Variants in PLA2G4D observed in about 807,000 individuals in gnomAD.
PLA2G4D encodes phospholipase A2 group IVD.
PLA2G4D carries 80 observed loss-of-function variants against 94.4 expected under a neutral mutation model. That is an observed-to-expected ratio of 0.85 (90% CI 0.71 to 1.02). PLA2G4D has a LOEUF of 1.02. PLA2G4D is among the 50% of genes least tolerant of loss of function. The pLI is 0.00. For missense variants in PLA2G4D, 1,050 were observed against 1,034.7 expected (o/e 1.01, Z -0.20); for synonymous variants, 438 against 440.9 (o/e 0.99, Z 0.08).
At chr15:42,075,551 C>G (rs926268049) in intron 13 of PLA2G4D, among the ~76,000 whole-genome samples, 13 of 152,282 alleles carry the variant, frequency 8.5e-5, no homozygotes, top group African/African-American at 3.1e-4. Flanking sequence ...AAAATCCCAA[C>G]AACATTTATT....
Position 42,068,840 on chromosome 15 carries a change from A to T in PLA2G4D, c.2332T>A (p.Phe778Ile). Residue 778 changes from phenylalanine to isoleucine, a missense_variant, in exon 20 of 20, where the codon TTC becomes ATC. Phe to Ile is a conservative substitution (Grantham distance 21, BLOSUM62 0). Transcript: ENST00000290472. Reference protein sequence around the residue: ...LSNMTYKEEDFERLLRLSDYN... With the variant: ...LSNMTYKEEDIERLLRLSDYN... Reference sequence around the variant, plus strand: ...TCACTGAGCCGCAGCAGGCGCTCGAAGTCTTCCTCCTTGTAGGTCATGTTG... The same window carrying T: ...TCACTGAGCCGCAGCAGGCGCTCGATGTCTTCCTCCTTGTAGGTCATGTTG... 1 of 1,614,032 alleles carries T rather than the reference A, an allele frequency of 6.2e-7. No homozygotes were observed.
chr15:42,081,914 C>T, intron 9 of PLA2G4D, 80 bp from the exon 10 acceptor site: 1 of 1,335,072 alleles, frequency 7.5e-7, no homozygotes, highest in Non-Finnish European at 1.0e-6. Flanking sequence ...ACTTGGTCCC[C>T]TTCATCTTCA....
At position 42,068,450 on chromosome 15, in the gene PLA2G4D, T is replaced by G; in HGVS notation, c.*265A>C. On this transcript the variant is annotated 3_prime_UTR_variant, in exon 20 of 20. Transcript: ENST00000290472. ...AATCTATCCTGCTCAGGCATGGAAG[T>G]AATTGTGGTGTGAAAGTCTGTCTGG... 1 of 491,980 alleles carries G rather than the reference T, an allele frequency of 2.0e-6. No individual in the cohort carries two copies. Among genetic ancestry groups the G allele is most frequent in the Non-Finnish European group, 3.7e-6 (1 of 270,834 alleles). 30.5% of individuals were successfully genotyped at this position (491,980 alleles called of 1,614,324 possible).
At chr15:42,080,970 T>C in intron 12 of PLA2G4D, 27 bp downstream of exon 12, 1 of 1,610,188 alleles carries the variant, frequency 6.2e-7, no homozygotes, top group African/African-American at 1.3e-5. Flanking sequence ...TGATTGTCTC[T>C]GCCACCCAGT....
In PLA2G4D at chr15:42,084,050, G is replaced by A. The variant is rs928497019; in HGVS notation, c.472-271C>T. On this transcript the variant is annotated intron_variant, in intron 6 of 19. Coordinates refer to ENST00000290472, the MANE Select transcript of PLA2G4D (RefSeq NM_178034.4). The surrounding 1 kb of genome is among the most constrained non-coding windows in gnomAD (Gnocchi z 4.8). ...CCAAACTCCCGAAACCTCCTAGAGC[G>A]CCCAGCCCTCAGACACAGCTGTTTC... The A allele has an allele frequency of 4.3e-6, 2 of 464,846 alleles. No individual in the cohort carries two copies. Among genetic ancestry groups the A allele is most frequent in the Admixed American group, 3.5e-5 (1 of 28,588 alleles). 28.8% of individuals were successfully genotyped at this position (464,846 alleles called of 1,614,324 possible). A position where few individuals can be genotyped will look rare whatever the true frequency, so the allele number is the denominator to read the frequency against.
chr15:42,086,133 AG>A (rs1392529567), intron 4 of PLA2G4D, 79 bp downstream of exon 4: 6 of 1,417,258 alleles, frequency 4.2e-6, no homozygotes, highest in Non-Finnish European at 5.8e-6. Context: ...GCCTCCCAAC[AG>A]GTGGGAGAAA....
intron 1 of PLA2G4D, among the ~76,000 whole-genome samples, chr15:42,088,496 C>A (rs1890193629): frequency 6.6e-6 from 1 of 152,208 alleles, no homozygotes; most frequent in Non-Finnish European, 1.5e-5. Flanking sequence ...CACCCTACTG[C>A]TGAGGTCCCC....
In PLA2G4D at chr15:42,070,727, G is replaced by A. The variant is rs367740611; in HGVS notation, c.2033C>T (p.Ala678Val). Residue 678 changes from alanine (A) to valine (V), a missense_variant, in exon 18 of 20, where the codon GCG becomes GTG. Physicochemically the swap from Ala to Val is moderately conservative, Grantham distance 64 (BLOSUM62 0). Coordinates refer to ENST00000290472, the MANE Select transcript of PLA2G4D (RefSeq NM_178034.4). Reference protein sequence around the residue: ...LILSFDYSLSAPFEALQQTEL... With the variant: ...LILSFDYSLSVPFEALQQTEL... Reference sequence around the variant, plus strand: ...GGGTGACCAGGGTACCTCGAAGGGCGCAGATAGGGAGTAGTCGAAGGAGAG... The same window carrying A: ...GGGTGACCAGGGTACCTCGAAGGGCACAGATAGGGAGTAGTCGAAGGAGAG... The A allele has an allele frequency of 1.7e-5, 26 of 1,557,980 alleles. No individual in the cohort carries two copies. The highest frequency in any genetic ancestry group is 2.4e-5 in the East Asian group (1 of 41,602).
chr15:42,081,706 C>G (rs1455458517), intron 10 of PLA2G4D, 91 bp downstream of exon 10: 1 of 1,611,576 alleles, frequency 6.2e-7, no homozygotes. Flanking sequence ...AAGAAGCCCT[C>G]TCCTCCAATC....
At chr15:42,086,097 T>G in intron 4 of PLA2G4D, 116 bp downstream of exon 4, 1 of 1,167,980 alleles carries the variant, frequency 8.6e-7, no homozygotes, top group Admixed American at 2.8e-5. Context: ...GGTTTAGATT[T>G]TTCTGTGAAT....
Position 42,068,444 on chromosome 15 carries a change from T to G in PLA2G4D, c.*271A>C. The G allele has an allele frequency of 4.3e-6, 2 of 469,344 alleles. No homozygotes were observed. Among genetic ancestry groups the G allele is most frequent in the Non-Finnish European group, 7.8e-6 (2 of 257,074 alleles). The allele number at this position is 469,344 out of a possible 1,614,324, so 29.1% of individuals were successfully genotyped here. Reference sequence around the variant, plus strand: ...ACTTCAAATCTATCCTGCTCAGGCATGGAAGTAATTGTGGTGTGAAAGTCT... The same window carrying G: ...ACTTCAAATCTATCCTGCTCAGGCAGGGAAGTAATTGTGGTGTGAAAGTCT... On this transcript the variant is annotated 3_prime_UTR_variant, in exon 20 of 20. Coordinates refer to ENST00000290472, the MANE Select transcript of PLA2G4D (RefSeq NM_178034.4).
In PLA2G4D at chr15:42,068,698, G is replaced by A; in HGVS notation, c.*17C>T. The stretch of plus-strand genomic sequence containing the variant: ...ATGCCCGCAGGCCCTGGAGGGTCCT[G>A]CAGCCTCTGAGCAACCTCAGGTCTG... On this transcript the variant is annotated 3_prime_UTR_variant, in exon 20 of 20. Transcript: ENST00000290472. The A allele has an allele frequency of 6.3e-7, 1 of 1,588,740 alleles. No homozygotes were observed. The highest frequency in any genetic ancestry group is 8.6e-7 in the Non-Finnish European group (1 of 1,167,128).
At chr15:42,081,927 C>CAT in intron 9 of PLA2G4D, 93 bp from the exon 10 acceptor site, 1 of 704,626 alleles carries the variant, frequency 1.4e-6, no homozygotes, top group Non-Finnish European at 2.1e-6. Flanking sequence ...CATCTTCATT[C>CAT]TTTTTTTTTT....
chr15:42,085,753 C>T (rs1890131023), intron 4 of PLA2G4D, among the ~76,000 whole-genome samples: 1 of 152,266 alleles, frequency 6.6e-6, no homozygotes, highest in South Asian at 2.1e-4. Context: ...ACAGGTCTCC[C>T]TCCCTTGGAG....
intron 7 of PLA2G4D, 72 bp downstream of exon 7, chr15:42,083,644 G>A (rs571058809): frequency 1.3e-4 from 206 of 1,568,022 alleles, no homozygotes; most frequent in South Asian, 3.0e-4. Context: ...CCTGCCCTGC[G>A]CAGGCTTCCC....
chr15:42,080,158 C>T (rs1031976028), intron 12 of PLA2G4D, among the ~76,000 whole-genome samples: 2 of 152,106 alleles, frequency 1.3e-5, no homozygotes, highest in African/African-American at 4.8e-5. Flanking sequence ...TGTGGACTGG[C>T]TGCATTTCAA....
At chr15:42,090,513 T>C (rs1460320231) in intron 1 of PLA2G4D, among the ~76,000 whole-genome samples, 1 of 152,160 alleles carries the variant, frequency 6.6e-6, no homozygotes, top group Non-Finnish European at 1.5e-5. Context: ...AAGTCCCTCT[T>C]TGACAGGAAG....
intron 6 of PLA2G4D, 70 bp downstream of exon 6, chr15:42,085,026 C>T (rs1890113218): frequency 3.9e-6 from 6 of 1,550,794 alleles, no homozygotes; most frequent in Admixed American, 1.7e-5. Flanking sequence ...GTCCACACCC[C>T]AGGCAGCTGC....
Position 42,071,319 on chromosome 15 carries a change from T to C in PLA2G4D, c.1682-2A>G. The C allele has an allele frequency of 6.3e-7, 1 of 1,577,162 alleles. No individual in the cohort carries two copies. The highest frequency in any genetic ancestry group is 8.6e-7 in the Non-Finnish European group (1 of 1,165,584). On this transcript the variant is annotated splice_acceptor_variant, in intron 16 of 19. Transcript: ENST00000290472. LOFTEE classifies it high-confidence loss of function. ...CCGAGGTGGTCAGGGGCTCCTTCTC[T>C]GAAGCCAGAGAAACAGAAATTGGTC...
Sources: allele counts gnomAD v4.1 joint callset (sites outside exome capture counted in the v4.1 genomes callset), GRCh38; gene constraint gnomAD v4.1.1; non-coding constraint Gnocchi (gnomAD v3.1); transcripts MANE v1.5; gene names NCBI Gene and HGNC (gene_info 2026-07-23, HGNC 2026-07-21).